Variants in TANK observed in about 807,000 individuals in gnomAD.
The protein encoded by TANK is TRAF family member-associated NF-kappa-B activator.
In TANK, 15 loss-of-function variants were observed where a neutral mutation model predicts 43.6. The ratio of observed to expected loss-of-function variants is 0.34; its 90% CI spans 0.23 to 0.53. TANK has a LOEUF of 0.53. Among genes scored for constraint, TANK ranks in the 20% least tolerant of loss-of-function variants. The probability of loss-of-function intolerance (pLI) is 0.94; values close to 1 mark genes in which losing one functional copy is unlikely to be tolerated. For missense variants in TANK, 417 were observed against 498.6 expected, an observed-to-expected ratio of 0.84 and a Z score of 1.56; for synonymous variants, 162 against 178.2, an observed-to-expected ratio of 0.91 and a Z score of 0.73.
intron 6 of TANK, among the ~76,000 whole-genome samples, chr2:161,229,563 A>G (rs1465659854): frequency 6.6e-6 from 1 of 152,236 alleles, no homozygotes; most frequent in Non-Finnish European, 1.5e-5. Flanking sequence ...CAGTAGGTAT[A>G]TAACAAAATG....
upstream of TANK, chr2:161,160,326 C>G (rs1684350743): frequency 1.2e-6 from 1 of 825,822 alleles, no homozygotes; most frequent in Non-Finnish European, 1.6e-6. Flanking sequence ...TGGGGCAGGG[C>G]GGAAGGGCCC....
chr2:161,211,754 A>C (rs1013341010), intron 4 of TANK: 1 of 985,302 alleles, frequency 1.0e-6, no homozygotes, highest in African/African-American at 1.7e-5. Context: ...GATTATGCAC[A>C]CTGTACAATG....
At chr2:161,235,037 A>G (rs1395745051) in intron 7 of TANK, among the ~76,000 whole-genome samples, 1 of 149,318 alleles carries the variant, frequency 6.7e-6, no homozygotes, top group East Asian at 2.0e-4. Flanking sequence ...TATTGTTCCA[A>G]AACTACTGCT....
At chr2:161,218,843 G>T (rs895863034) in intron 4 of TANK, among the ~76,000 whole-genome samples, 12 of 152,120 alleles carry the variant, frequency 7.9e-5, no homozygotes, top group Admixed American at 5.9e-4. Flanking sequence ...AGTTCTTGCT[G>T]TGTTGCCCAG....
chr2:161,203,641 A>G (rs745554293), intron 3 of TANK, 46 bp downstream of exon 3: 16 of 1,261,666 alleles, frequency 1.3e-5, no homozygotes, highest in Non-Finnish European at 1.7e-5. Flanking sequence ...CCTCTTGGTG[A>G]AAAGAAAGGT....
At chr2:161,234,032 G>T (rs1042063398) in intron 7 of TANK, among the ~76,000 whole-genome samples, 56 of 151,968 alleles carry the variant, frequency 3.7e-4, no homozygotes, top group African/African-American at 1.3e-3. Flanking sequence ...CATTTCTTAT[G>T]AAAGGAATTG....
chr2:161,195,309 C>G (rs1249785541), intron 2 of TANK, among the ~76,000 whole-genome samples: 3 of 152,158 alleles, frequency 2.0e-5, no homozygotes, highest in Non-Finnish European at 4.4e-5. Flanking sequence ...ACTAATCAAA[C>G]AATCTCACAA....
intron 2 of TANK, chr2:161,202,762 T>C: frequency 2.5e-6 from 1 of 400,666 alleles, no homozygotes; most frequent in Non-Finnish European, 5.1e-6. Context: ...TGTACTAATT[T>C]GGTAATTGTG....
chr2:161,233,368 G>C (rs1260679857), intron 7 of TANK, among the ~76,000 whole-genome samples: 4 of 152,176 alleles, frequency 2.6e-5, no homozygotes, highest in Admixed American at 2.6e-4. Context: ...TCACACTCCA[G>C]CCTGGGTGAC....
chr2:161,229,626 T>C (rs1559010406), intron 6 of TANK, among the ~76,000 whole-genome samples: 1 of 152,176 alleles, frequency 6.6e-6, no homozygotes, highest in East Asian at 1.9e-4. Context: ...GAAAAAAATA[T>C]ATTGGAATGT....
At chr2:161,160,771 G>T in intron 1 of TANK, 1 of 563,626 alleles carries the variant, frequency 1.8e-6, no homozygotes, top group Non-Finnish European at 3.5e-6. Flanking sequence ...GGAGGGACTC[G>T]TCCCGGCTGC....
intron 4 of TANK, chr2:161,219,905 G>A (rs529232091): frequency 5.9e-6 from 2 of 339,828 alleles, no homozygotes; most frequent in South Asian, 4.9e-5. Flanking sequence ...TTTCTGTAGT[G>A]AATTTTATCA....
chr2:161,171,175 AC>A (rs1478073022), intron 1 of TANK, among the ~76,000 whole-genome samples: 1 of 152,164 alleles, frequency 6.6e-6, no homozygotes, highest in East Asian at 1.9e-4. Context: ...TAATTTTGGC[AC>A]AGATGCAAGT....
upstream of TANK, among the ~76,000 whole-genome samples, chr2:161,158,408 T>C (rs1294168643): frequency 6.6e-6 from 1 of 152,252 alleles, no homozygotes; most frequent in East Asian, 1.9e-4. Context: ...TTTGATGCCA[T>C]TTTAGCATTG....
intron 1 of TANK, among the ~76,000 whole-genome samples, chr2:161,151,572 T>C (rs1684082500): frequency 6.6e-6 from 1 of 152,200 alleles, no homozygotes; most frequent in Non-Finnish European, 1.5e-5. Context: ...TTATCTAATA[T>C]TAGTTTAGCC....
intron 4 of TANK, among the ~76,000 whole-genome samples, chr2:161,209,189 GAGGAGAATA>G (rs1279094754): frequency 6.6e-6 from 1 of 152,184 alleles, no homozygotes; most frequent in Non-Finnish European, 1.5e-5. Context: ...ATACTTTCCA[GAGGAGAATA>G]ATAGCAATGC....
At chr2:161,165,574 T>C (rs1684640257) in intron 1 of TANK, among the ~76,000 whole-genome samples, 1 of 152,172 alleles carries the variant, frequency 6.6e-6, no homozygotes, top group Admixed American at 6.5e-5. Context: ...AACATTAAAA[T>C]CTCACAAATC....
At chr2:161,188,126 A>C (rs138193747) in intron 2 of TANK, among the ~76,000 whole-genome samples, 143 of 152,292 alleles carry the variant, frequency 9.4e-4, no homozygotes, top group Non-Finnish European at 1.7e-3. Flanking sequence ...TCAGTAACTT[A>C]ACTTTATGCC....
intron 1 of TANK, among the ~76,000 whole-genome samples, chr2:161,155,279 ATTAT>A (rs758349587): frequency 1.3e-5 from 2 of 152,084 alleles, no homozygotes; most frequent in Non-Finnish European, 2.9e-5. Context: ...TTATTATTAA[ATTAT>A]TTATTAGGTA....
Sources: allele counts gnomAD v4.1 joint callset (sites outside exome capture counted in the v4.1 genomes callset), GRCh38; gene constraint gnomAD v4.1.1; transcripts MANE v1.5; gene names NCBI Gene and HGNC (gene_info 2026-07-23, HGNC 2026-07-21).